Variants in GDPD4 observed in about 807,000 individuals in gnomAD.
The protein encoded by GDPD4 is glycerophosphodiester phosphodiesterase domain containing 4, also known as glycerophosphodiester phosphodiesterase 6.
GDPD4 carries 60 observed loss-of-function variants against 67.8 expected under a neutral mutation model. That is an observed-to-expected ratio of 0.88 (90% confidence interval 0.72 to 1.10). The LOEUF (loss-of-function observed/expected upper bound fraction) is 1.10. GDPD4 is among the 50% of genes least tolerant of loss of function. The pLI is 0.00. For synonymous variants in GDPD4, 212 were observed against 210.9 expected (o/e 1.00, Z -0.04); for missense variants, 623 against 613.9 (o/e 1.01, Z -0.16).
At chr11:77,273,723 C>G (rs1198444632) in intron 5 of GDPD4, among the ~76,000 whole-genome samples, 1 of 152,064 alleles carries the variant, frequency 6.6e-6, no homozygotes, top group African/African-American at 2.4e-5. Flanking sequence ...TCATTGGTAG[C>G]CTATGCTCAA....
intron 4 of GDPD4, among the ~76,000 whole-genome samples, chr11:77,278,151 TC>T (rs2135881354): frequency 6.6e-6 from 1 of 152,302 alleles, no homozygotes; most frequent in Admixed American, 6.5e-5. Context: ...GTGCTTTACT[TC>T]TAACCATGTT....
At chr11:77,235,009 G>GTTTTTTGTTTTTTTTTTT (rs1958524952) in intron 13 of GDPD4, among the ~76,000 whole-genome samples, 2 of 52,254 alleles carry the variant, frequency 3.8e-5, no homozygotes, top group African/African-American at 1.3e-4. Context: ...GTCAATATCT[G>GTTTTTTGTTTTTTTTTTT]TTTTTTTTTT....
chr11:77,278,875 G>T (rs1178217369), intron 4 of GDPD4, among the ~76,000 whole-genome samples: 1 of 152,186 alleles, frequency 6.6e-6, no homozygotes, highest in Non-Finnish European at 1.5e-5. Flanking sequence ...ACTAGCATTT[G>T]TACATTAGAA....
intron 3 of GDPD4, among the ~76,000 whole-genome samples, chr11:77,279,945 T>C (rs1019881687): frequency 6.6e-6 from 1 of 152,168 alleles, no homozygotes; most frequent in Non-Finnish European, 1.5e-5. Flanking sequence ...ATTTGAATCT[T>C]CATCTCAAGA....
intron 13 of GDPD4, among the ~76,000 whole-genome samples, chr11:77,239,820 G>A (rs570059047): frequency 4.6e-5 from 7 of 152,022 alleles, no homozygotes; most frequent in Middle Eastern, 3.4e-3. Flanking sequence ...AAATTAGCAG[G>A]GTGCAGTGGT....
intron 16 of GDPD4, among the ~76,000 whole-genome samples, chr11:77,218,052 AGT>A (rs1422161837): frequency 1.3e-5 from 2 of 151,002 alleles, no homozygotes; most frequent in Admixed American, 6.6e-5. Flanking sequence ...TTTTAACCTG[AGT>A]GTAATTCGAT....
chr11:77,245,612 G>A (rs757755613), intron 11 of GDPD4, 110 bp from the exon 12 acceptor site: 30 of 664,038 alleles, frequency 4.5e-5, no homozygotes, highest in Non-Finnish European at 7.1e-5. Context: ...AATCCATCAG[G>A]CCCTCTGAAG....
intron 3 of GDPD4, among the ~76,000 whole-genome samples, chr11:77,282,194 T>G (rs1306649621): frequency 6.6e-6 from 1 of 152,096 alleles, no homozygotes; most frequent in Non-Finnish European, 1.5e-5. Flanking sequence ...AATACTAATA[T>G]AAGACTTCGG....
chr11:77,284,128 G>T (rs968595496), intron 3 of GDPD4, among the ~76,000 whole-genome samples: 2 of 152,092 alleles, frequency 1.3e-5, no homozygotes, highest in Non-Finnish European at 2.9e-5. Flanking sequence ...AGATTTATCT[G>T]CATTACTAGT....
At chr11:77,230,085 C>T (rs1321086643) in intron 14 of GDPD4, among the ~76,000 whole-genome samples, 1 of 152,122 alleles carries the variant, frequency 6.6e-6, no homozygotes, top group Non-Finnish European at 1.5e-5. Context: ...GTATTCTAAG[C>T]ACTTCAGGGG....
chr11:77,255,310 T>C (rs1328944938), intron 11 of GDPD4, among the ~76,000 whole-genome samples: 1 of 152,178 alleles, frequency 6.6e-6, no homozygotes, highest in African/African-American at 2.4e-5. Context: ...CTCACATCTG[T>C]AATCCCAGCA....
At chr11:77,223,502 C>T (rs772806690) in intron 16 of GDPD4, among the ~76,000 whole-genome samples, 4 of 152,152 alleles carry the variant, frequency 2.6e-5, no homozygotes, top group Non-Finnish European at 5.9e-5. Context: ...ACCCTGTTTG[C>T]CTGGGTATCA....
chr11:77,275,409 T>C (rs917997289), intron 5 of GDPD4, among the ~76,000 whole-genome samples: 3 of 152,074 alleles, frequency 2.0e-5, no homozygotes, highest in African/African-American at 7.2e-5. Context: ...TTTAAAGATA[T>C]CCAAACCCAA....
intron 1 of GDPD4, among the ~76,000 whole-genome samples, chr11:77,296,250 C>CAAA (rs200238027): frequency 3.9e-5 from 4 of 103,464 alleles, no homozygotes; most frequent in Non-Finnish European, 7.5e-5. Flanking sequence ...GACTTCGTCT[C>CAAA]AAAAAAAAAA....
At position 77,217,288 on chromosome 11, in the gene GDPD4, C is replaced by T. The variant is rs773874108; in HGVS notation, c.1552G>A (p.Glu518Lys). 1.9e-6 allele frequency: 3 copies of T among 1,608,206 alleles called. No individual in the cohort carries two copies. Among genetic ancestry groups the T allele is most frequent in the Non-Finnish European group, 2.6e-6 (3 of 1,174,650 alleles). The change falls in exon 17 of 17, where the codon GAA becomes AAA. Residue 518 changes from glutamate (E) to lysine (K), a missense_variant. Coordinates refer to ENST00000315938, the MANE Select transcript of GDPD4 (RefSeq NM_182833.3). ...GCAAATCTATCTATCTATCTATCTT[C>T]CTCATTCTTACTTCCACTCTGAGTA... ...TDTQSGSKNE[E>K]DR is the part of the protein sequence containing the mutation.
At chr11:77,286,179 C>T (rs1040825890) in intron 2 of GDPD4, among the ~76,000 whole-genome samples, 1 of 152,128 alleles carries the variant, frequency 6.6e-6, no homozygotes, top group Non-Finnish European at 1.5e-5. Context: ...CCTTTGACTA[C>T]TCCTCCAATA....
intron 11 of GDPD4, among the ~76,000 whole-genome samples, chr11:77,246,222 G>A (rs1304877963): frequency 6.6e-6 from 1 of 152,204 alleles, no homozygotes; most frequent in Non-Finnish European, 1.5e-5. Context: ...GGAGTTTGAG[G>A]CTGCAAGTGA....
chr11:77,253,664 C>G (rs1462929116), intron 11 of GDPD4, among the ~76,000 whole-genome samples: 1 of 152,072 alleles, frequency 6.6e-6, no homozygotes, highest in African/African-American at 2.4e-5. Flanking sequence ...CATTGATTCT[C>G]CAAGGGTTGA....
chr11:77,260,308 G>GA (rs995537942), intron 10 of GDPD4, among the ~76,000 whole-genome samples: 5 of 133,762 alleles, frequency 3.7e-5, no homozygotes, highest in Admixed American at 7.8e-5. Context: ...CTCCATCTCA[G>GA]AAAAAAAAAT....
Sources: allele counts gnomAD v4.1 joint callset (sites outside exome capture counted in the v4.1 genomes callset), GRCh38; gene constraint gnomAD v4.1.1; transcripts MANE v1.5; gene names NCBI Gene and HGNC (gene_info 2026-07-23, HGNC 2026-07-21).